ATP10D: variants seen among roughly 807,000 people sequenced by gnomAD.
ATP10D encodes phospholipid-transporting ATPase VD.
Under a neutral mutation model 144.8 loss-of-function variants are expected in ATP10D, and 89 were observed. The observed-to-expected ratio is 0.61, with a 90% confidence interval of 0.52 to 0.73. ATP10D has a LOEUF of 0.73. Ranked by LOEUF, ATP10D falls within the 30% of genes least tolerant of loss-of-function variation. The probability of loss-of-function intolerance (pLI) is 0.00; values close to 1 mark genes in which losing one functional copy is unlikely to be tolerated. For synonymous variants in ATP10D, 571 were observed against 615.1 expected, an observed-to-expected ratio of 0.93 and a Z score of 1.06; for missense variants, 1,603 against 1,714.8, an observed-to-expected ratio of 0.93 and a Z score of 1.15.
At chr4:47,525,462 A>G in intron 4 of ATP10D, 95 bp from the exon 5 acceptor site, 16 of 877,984 alleles carry the variant, frequency 1.8e-5, no homozygotes, top group Non-Finnish European at 2.9e-5. Flanking sequence ...AAAAAGGCTT[A>G]GCATTATTTT....
At chr4:47,590,877 T>G in intron 22 of ATP10D, among the ~76,000 whole-genome samples, 165 bp from the exon 23 acceptor site, 1 of 152,104 alleles carries the variant, frequency 6.6e-6, no homozygotes, top group East Asian at 1.9e-4. Context: ...TTTAATATTG[T>G]TTTATCTCCA....
At position 47,547,749 on chromosome 4, in the gene ATP10D, C is replaced by T. The variant is rs541000432; in HGVS notation, c.1635+887C>T. 1.9e-3 allele frequency among the ~76,000 whole-genome samples: 282 copies of T among 152,220 alleles called. 2 individuals are homozygous for T. The highest frequency in any genetic ancestry group is 3.4e-3 in the Middle Eastern group (1 of 294). ...GTAGAGACATGATATGAGTAGACCC[C>T]TGGGGTCTCATTTGTCCTGGGAAGG... is the stretch of plus-strand genomic sequence containing the variant. On this transcript the variant is annotated intron_variant, in intron 10 of 22. Coordinates refer to ENST00000273859, the MANE Select transcript of ATP10D (RefSeq NM_020453.4).
At chr4:47,545,532 T>A (rs1260072133) in intron 9 of ATP10D, among the ~76,000 whole-genome samples, 2 of 152,110 alleles carry the variant, frequency 1.3e-5, no homozygotes, top group Non-Finnish European at 2.9e-5. Context: ...TGGAGAGAAG[T>A]AGAGTTATTT....
intron 22 of ATP10D, 66 bp from the exon 23 acceptor site, chr4:47,590,976 T>TGC: frequency 1.0e-6 from 1 of 953,990 alleles, no homozygotes; most frequent in Non-Finnish European, 1.5e-6. Context: ...CGTTAGTATT[T>TGC]GGGGGGGGGG....
In ATP10D at chr4:47,505,844, A is replaced by AT. The variant is rs899547365; in HGVS notation, c.-37-6651dup. On this transcript the variant is annotated intron_variant, in intron 1 of 22. Coordinates refer to ENST00000273859, the MANE Select transcript of ATP10D (RefSeq NM_020453.4). ...ATAGGGCATCTTGAAATGATTATAGATTTTTTTTTCTTTTAGACCAGTGAA... is the reference window on the plus strand; with the variant it reads ...ATAGGGCATCTTGAAATGATTATAGATTTTTTTTTTCTTTTAGACCAGTGAA... 3.2e-4 allele frequency among the ~76,000 whole-genome samples: 49 copies of AT among 151,764 alleles called. No homozygotes were observed. The East Asian group carries it at 5.8e-3, about 18-fold the overall frequency.
intron 5 of ATP10D, 98 bp downstream of exon 5, chr4:47,525,740 AAATCACTAAAGGTCG>A: frequency 2.9e-6 from 3 of 1,025,632 alleles, no homozygotes; most frequent in Non-Finnish European, 4.4e-6. Flanking sequence ...TACCCTTGTT[AAATCACTAAAGGTCG>A]TAACTTTAGC....
intron 11 of ATP10D, chr4:47,556,951 C>T (rs1719020107): frequency 6.6e-6 from 1 of 152,146 alleles, no homozygotes; most frequent in Admixed American, 6.5e-5. Flanking sequence ...GATGAAGCTA[C>T]TTTGCTTACT....
chr4:47,515,124 C>G (rs1395979943), intron 2 of ATP10D, among the ~76,000 whole-genome samples: 1 of 152,012 alleles, frequency 6.6e-6, no homozygotes, highest in Non-Finnish European at 1.5e-5. Context: ...CTACACCCAG[C>G]TAATTTTTGT....
chr4:47,501,355 A>C (rs1002510526), intron 1 of ATP10D, among the ~76,000 whole-genome samples: 1 of 152,260 alleles, frequency 6.6e-6, no homozygotes, highest in Non-Finnish European at 1.5e-5. Flanking sequence ...TAAGCAGTAA[A>C]AATGGGTAAC....
At chr4:47,528,674 T>C (rs1031659496) in intron 5 of ATP10D, among the ~76,000 whole-genome samples, 2 of 152,080 alleles carry the variant, frequency 1.3e-5, no homozygotes, top group African/African-American at 4.8e-5. Context: ...AGATACCCAG[T>C]AGTGGGATTG....
In ATP10D at chr4:47,591,245, T is replaced by C. The variant is rs780172839; in HGVS notation, c.4145T>C (p.Val1382Ala). 4.3e-6 allele frequency: 7 copies of C among 1,613,630 alleles called. No homozygotes were observed. Among genetic ancestry groups the C allele is most frequent in the African/African-American group, 1.3e-5 (1 of 75,010 alleles). ...AGACCCATGCCTGGCCCTTCTGCTGTATTTGCAATGAAGTCAGCAAGTTCC... is the reference window on the plus strand; with the variant it reads ...AGACCCATGCCTGGCCCTTCTGCTGCATTTGCAATGAAGTCAGCAAGTTCC... ...GRRPMPGPSA[V>A]FAMKSASSCA... Residue 1382 changes from valine (V) to alanine (A), a missense_variant, in exon 23 of 23, where the codon GTA (valine) becomes GCA (alanine). Transcript: ENST00000273859.
In ATP10D at chr4:47,535,968, G is replaced by A; in HGVS notation, c.950G>A (p.Arg317Lys). The change falls in exon 7 of 23, where the codon AGA becomes AAA. Residue 317 changes from arginine to lysine, a missense_variant. By Grantham distance (26) the Arg-to-Lys change is conservative. Coordinates refer to ENST00000273859, the MANE Select transcript of ATP10D (RefSeq NM_020453.4). ...TATAAGCGCAGCAAATTAGAAAGAA[G>A]AGCAAACACAGATGTCCTCTGGTGT... ...PRYKRSKLERRANTDVLWCVM... is the reference protein window; with the variant it reads ...PRYKRSKLERKANTDVLWCVM... 6.2e-7 allele frequency: 1 copy of A among 1,613,130 alleles called. No homozygotes were observed. The highest frequency in any genetic ancestry group is 8.5e-7 in the Non-Finnish European group (1 of 1,179,340).
At chr4:47,543,223 T>A (rs962804626) in intron 9 of ATP10D, among the ~76,000 whole-genome samples, 2 of 152,228 alleles carry the variant, frequency 1.3e-5, no homozygotes, top group Admixed American at 1.3e-4. Context: ...GGTATGTATG[T>A]ATATGAATAA....
chr4:47,511,832 G>GCAA (rs1325000469), intron 1 of ATP10D, among the ~76,000 whole-genome samples: 1 of 152,178 alleles, frequency 6.6e-6, no homozygotes, highest in Admixed American at 6.5e-5. Flanking sequence ...GGTAAATGGG[G>GCAA]CAACTGAGGC....
intron 1 of ATP10D, among the ~76,000 whole-genome samples, chr4:47,485,724 A>G (rs2109373461): frequency 6.6e-6 from 1 of 152,112 alleles, no homozygotes; most frequent in East Asian, 1.9e-4. Context: ...TGATTACACC[A>G]TTTTCAATCA....
intron 2 of ATP10D, among the ~76,000 whole-genome samples, chr4:47,513,183 G>A (rs1182707980): frequency 4.6e-5 from 7 of 152,118 alleles, no homozygotes; most frequent in African/African-American, 9.7e-5. Context: ...GAAACCACGC[G>A]CATTTTAATT....
At chr4:47,571,503 C>A (rs897597617) in intron 16 of ATP10D, among the ~76,000 whole-genome samples, 9 of 152,074 alleles carry the variant, frequency 5.9e-5, no homozygotes, top group Non-Finnish European at 1.3e-4. Context: ...TTCACCCTAA[C>A]AAACCACATA....
rs756497203 is a variant in ATP10D, at chr4:47,587,225, C to A, written c.3941+19C>A. 2 of 1,592,054 alleles carry A rather than the reference C, an allele frequency of 1.3e-6. No individual in the cohort carries two copies. Among genetic ancestry groups the A allele is most frequent in the East Asian group, 4.5e-5 (2 of 44,654 alleles). ...TGCCCAGGTATGGTATTTATTTTAT[C>A]ATTGAGAGAATAAATGGAATCATAG... is the stretch of plus-strand genomic sequence containing the variant. On this transcript the variant is annotated intron_variant, in intron 22 of 22. Coordinates refer to ENST00000273859, the MANE Select transcript of ATP10D (RefSeq NM_020453.4).
At chr4:47,508,015 A>G (rs1475004598) in intron 1 of ATP10D, among the ~76,000 whole-genome samples, 1 of 152,140 alleles carries the variant, frequency 6.6e-6, no homozygotes, top group East Asian at 1.9e-4. Context: ...ACTAAATTAC[A>G]TATTCATAGA....
Sources: gnomAD v4.1 joint callset for allele counts (sites outside exome capture counted in the v4.1 genomes callset) on GRCh38, gnomAD v4.1.1 for gene constraint, MANE v1.5 for transcripts, NCBI Gene and HGNC (gene_info 2026-07-23, HGNC 2026-07-21) for gene names.